C8orf88: variants seen among roughly 807,000 people sequenced by gnomAD.
C8orf88 encodes the protein chromosome 8 open reading frame 88.
C8orf88 carries 14 observed loss-of-function variants against 18.4 expected under a neutral mutation model. That is an observed-to-expected ratio of 0.76 (90% CI 0.50 to 1.19). The LOEUF is 1.19. Among genes scored for constraint, C8orf88 ranks in the 50% most tolerant of loss-of-function variants. The pLI is 0.00. For missense variants in C8orf88, 116 were observed against 134.7 expected, an observed-to-expected ratio of 0.86 and a Z score of 0.69; for synonymous variants, 45 against 42.9, an observed-to-expected ratio of 1.05 and a Z score of -0.19.
intron 3 of C8orf88, among the ~76,000 whole-genome samples, chr8:90,971,487 A>G (rs1811282535): frequency 6.6e-6 from 1 of 152,030 alleles, no homozygotes; most frequent in South Asian, 2.1e-4. Flanking sequence ...AAAACAACAC[A>G]TTTTTATTCA....
chr8:90,961,361 A>C (rs1484254495), intron 4 of C8orf88, among the ~76,000 whole-genome samples: 1 of 151,362 alleles, frequency 6.6e-6, no homozygotes, highest in Non-Finnish European at 1.5e-5. Context: ...ACAATGTTTC[A>C]AATATCTGCA....
Position 90,978,710 on chromosome 8 carries a change from T to A in C8orf88, c.74-58A>T, listed in dbSNP as rs1811389300. The A allele has an allele frequency of 2.9e-6, 3 of 1,018,112 alleles. No homozygotes were observed. In the East Asian group the frequency reaches 8.0e-5, roughly 27 times the overall value. 63.1% of individuals were successfully genotyped at this position (1,018,112 alleles called of 1,614,324 possible). A position where few individuals can be genotyped will look rare whatever the true frequency, so the allele number is the denominator to read the frequency against. Reference sequence around the variant, plus strand: ...TCTATTATTTCAATAAATAATATAATCAACTAAAAAGCTTAAGTATCCAAG... The same window carrying A: ...TCTATTATTTCAATAAATAATATAAACAACTAAAAAGCTTAAGTATCCAAG... On this transcript the variant is annotated intron_variant, in intron 2 of 5. Transcript: ENST00000517562.
At chr8:90,969,691 T>A (rs1489224538) in intron 4 of C8orf88, among the ~76,000 whole-genome samples, 2 of 151,914 alleles carry the variant, frequency 1.3e-5, no homozygotes, top group African/African-American at 4.8e-5. Flanking sequence ...TCTAGGGTGA[T>A]AAAAATGTTC....
At chr8:90,968,502 T>A (rs1416509565) in intron 4 of C8orf88, among the ~76,000 whole-genome samples, 1 of 150,896 alleles carries the variant, frequency 6.6e-6, no homozygotes, top group Admixed American at 6.6e-5. Flanking sequence ...TAAATCTTAA[T>A]GACCTTAGAT....
Position 90,958,894 on chromosome 8 carries a change from GCCAA to G in C8orf88, c.*109_*112del. ...TTCTCATTTTTAGAGAAGTCAAATA[GCCAA>G]CCATCAAAATTAAGAATAAATTGAA... On this transcript the variant is annotated 3_prime_UTR_variant, in exon 6 of 6. Coordinates refer to ENST00000517562, the MANE Select transcript of C8orf88 (RefSeq NM_001190972.2). 3.2e-6 allele frequency: 2 copies of G among 629,358 alleles called. No homozygotes were observed. Among genetic ancestry groups the G allele is most frequent in the Non-Finnish European group, 5.2e-6 (2 of 383,180 alleles). 39.0% of individuals were successfully genotyped at this position (629,358 alleles called of 1,614,324 possible).
chr8:90,961,475 C>CG (rs1811126195), intron 4 of C8orf88, among the ~76,000 whole-genome samples: 1 of 148,808 alleles, frequency 6.7e-6, no homozygotes, highest in Non-Finnish European at 1.5e-5. Flanking sequence ...AAGAAAAGAA[C>CG]GGTAACCCAG....
chr8:90,959,492 C>T (rs1811093967), intron 5 of C8orf88: 1 of 151,228 alleles, frequency 6.6e-6, no homozygotes, highest in African/African-American at 2.4e-5. Context: ...GATCTTTGAA[C>T]CGGTGGGAAA....
intron 4 of C8orf88, among the ~76,000 whole-genome samples, chr8:90,970,440 T>C (rs1811267036): frequency 6.6e-6 from 1 of 152,018 alleles, no homozygotes; most frequent in African/African-American, 2.4e-5. Flanking sequence ...CTAAAATCAT[T>C]TTATTTTATT....
At chr8:90,959,797 A>C (rs1382187079) in intron 5 of C8orf88, among the ~76,000 whole-genome samples, 1 of 151,310 alleles carries the variant, frequency 6.6e-6, no homozygotes, top group East Asian at 1.9e-4. Flanking sequence ...TCTGAATCTC[A>C]TTTCAGAAGA....
At chr8:90,977,966 A>G (rs373442883) in intron 3 of C8orf88, among the ~76,000 whole-genome samples, 11 of 152,154 alleles carry the variant, frequency 7.2e-5, no homozygotes, top group African/African-American at 2.7e-4. Context: ...AACAAAACAA[A>G]ACAAAAGACA....
intron 4 of C8orf88, among the ~76,000 whole-genome samples, chr8:90,968,207 T>A (rs970808410): frequency 4.0e-5 from 6 of 151,786 alleles, no homozygotes; most frequent in African/African-American, 1.5e-4. Context: ...AATGTGGTAC[T>A]GACATAAGGG....
intron 1 of C8orf88, among the ~76,000 whole-genome samples, chr8:90,984,182 C>G (rs1035467356): frequency 6.6e-6 from 1 of 152,032 alleles, no homozygotes; most frequent in Non-Finnish European, 1.5e-5. Context: ...CTACCGCTGC[C>G]GTTGAGAAAT....
rs373433572 is a variant in C8orf88 at position 90,983,719 on chromosome 8, G to T, written c.-27+1395C>A. 2.0e-5 allele frequency among the ~76,000 whole-genome samples: 3 copies of T among 152,082 alleles called. No homozygotes were observed. In the South Asian group the frequency reaches 6.2e-4, roughly 31 times the overall value. On this transcript the variant is annotated intron_variant, in intron 1 of 5. Transcript: ENST00000517562. ...AAATTATTATTAGTCCCACTTCACA[G>T]ATAAGAAACCTGAGGCTCAGAAAAA...
At chr8:90,974,534 G>C (rs1367516231) in intron 3 of C8orf88, among the ~76,000 whole-genome samples, 1 of 151,992 alleles carries the variant, frequency 6.6e-6, no homozygotes, top group East Asian at 1.9e-4. Flanking sequence ...AGTGAGATAG[G>C]GCCAGCTCAG....
In C8orf88 at chr8:90,958,955, G is replaced by C. The variant is rs1811082997; in HGVS notation, c.*52C>G. 2 of 1,152,736 alleles carry C rather than the reference G, an allele frequency of 1.7e-6. No individual in the cohort carries two copies. The highest frequency in any genetic ancestry group is 1.6e-5 in the African/African-American group (1 of 63,150). 71.4% of individuals were successfully genotyped at this position (1,152,736 alleles called of 1,614,324 possible). ...CAGTCCATTACAGTTATTGTTGCTA[G>C]ATCCACCTCATTTGCAGATGTCCAA... is the stretch of plus-strand genomic sequence containing the variant. On this transcript the variant is annotated 3_prime_UTR_variant, in exon 6 of 6. Coordinates refer to ENST00000517562, the MANE Select transcript of C8orf88 (RefSeq NM_001190972.2).
In C8orf88 at chr8:90,978,608, T is replaced by C. The variant is rs1811386633; in HGVS notation, c.118A>G (p.Thr40Ala). 6.5e-7 allele frequency: 1 copy of C among 1,530,902 alleles called. No individual in the cohort carries two copies. The highest frequency in any genetic ancestry group is 2.0e-5 in the Admixed American group (1 of 50,758). 94.8% of individuals were successfully genotyped at this position (1,530,902 alleles called of 1,614,324 possible). Reference sequence around the variant, plus strand: ...CTAACTCCACTTTGTATGCACTGAGTGTTGCATGGATATTCGTTTTGAAAG... The same window carrying C: ...CTAACTCCACTTTGTATGCACTGAGCGTTGCATGGATATTCGTTTTGAAAG... Reference protein sequence around the residue: ...FNFQNEYPCNTQCIQSGVSRC... With the variant: ...FNFQNEYPCNAQCIQSGVSRC... The change falls in exon 3 of 6, where the codon ACT (threonine) becomes GCT (alanine). Residue 40 changes from threonine (T) to alanine (A), a missense_variant. By Grantham distance (58) the Thr-to-Ala change is moderately conservative. Coordinates refer to ENST00000517562, the MANE Select transcript of C8orf88 (RefSeq NM_001190972.2).
At chr8:90,963,242 G>C (rs2130301828) in intron 4 of C8orf88, among the ~76,000 whole-genome samples, 1 of 151,680 alleles carries the variant, frequency 6.6e-6, no homozygotes, top group Admixed American at 6.6e-5. Context: ...AGACTTCCAT[G>C]GTCATGCATG....
intron 3 of C8orf88, among the ~76,000 whole-genome samples, chr8:90,975,280 T>A (rs958310520): frequency 7.9e-5 from 12 of 152,016 alleles, no homozygotes; most frequent in African/African-American, 2.9e-4. Flanking sequence ...TTTCAAGACA[T>A]CATAAAGCTA....
At chr8:90,959,577 C>G (rs886358978) in intron 5 of C8orf88, among the ~76,000 whole-genome samples, 1 of 151,234 alleles carries the variant, frequency 6.6e-6, no homozygotes, top group Non-Finnish European at 1.5e-5. Flanking sequence ...TTAATTCCTG[C>G]TTTAATTAAC....
Sources: gnomAD v4.1 joint callset for allele counts (sites outside exome capture counted in the v4.1 genomes callset) on GRCh38, gnomAD v4.1.1 for gene constraint, MANE v1.5 for transcripts, NCBI Gene and HGNC (gene_info 2026-07-23, HGNC 2026-07-21) for gene names.